CRYL1: variants seen among roughly 807,000 people sequenced by gnomAD.
CRYL1 encodes crystallin lambda 1.
CRYL1 carries 29 observed loss-of-function variants against 36.6 expected under a neutral mutation model. The observed-to-expected ratio is 0.79, with a 90% CI of 0.59 to 1.08. CRYL1 has a LOEUF of 1.08. Among genes scored for constraint, CRYL1 ranks in the 50% least tolerant of loss-of-function variants. The probability of loss-of-function intolerance (pLI) is 0.00; values close to 1 mark genes in which losing one functional copy is unlikely to be tolerated. For missense variants in CRYL1, 411 were observed against 407.9 expected (o/e 1.01, Z -0.06); for synonymous variants, 152 against 151.5 (o/e 1.00, Z -0.02).
intron 7 of CRYL1, 38 bp from the exon 8 acceptor site, chr13:20,404,280 G>A (rs1208606583): frequency 2.2e-6 from 3 of 1,344,950 alleles, no homozygotes; most frequent in African/African-American, 1.4e-5. Context: ...ACAATAAAGA[G>A]GAAATAATTT....
chr13:20,447,859 A>G (rs537054152), intron 3 of CRYL1, among the ~76,000 whole-genome samples: 32 of 152,348 alleles, frequency 2.1e-4, no homozygotes, highest in Middle Eastern at 3.4e-3. Context: ...ATGCTTGCCA[A>G]TTCACAGACA....
rs1177468290 is a variant in CRYL1 at position 20,525,798 on chromosome 13, T to C, written c.-4A>G. 6 of 1,260,014 alleles carry C rather than the reference T, an allele frequency of 4.8e-6. No individual in the cohort carries two copies. Among genetic ancestry groups the C allele is most frequent in the South Asian group, 2.9e-5 (1 of 34,678 alleles). 78.1% of individuals were successfully genotyped at this position (1,260,014 alleles called of 1,614,324 possible). On this transcript the variant is annotated 5_prime_UTR_variant, in exon 1 of 8. Transcript: ENST00000298248. This position sits in a 1 kb window ranked among gnomAD's most constrained non-coding sequence, Gnocchi z 4.3. ...AGCCGGCCGCGGAGGACGCCATGGT[T>C]GGGCCGGGGACGCGGCGCCGCGGGC... is the stretch of plus-strand genomic sequence containing the variant.
intron 3 of CRYL1, among the ~76,000 whole-genome samples, chr13:20,483,703 C>A (rs988877239): frequency 6.6e-6 from 1 of 152,058 alleles, no homozygotes; most frequent in African/African-American, 2.4e-5. Flanking sequence ...CCATGCCATG[C>A]TAATTTTTTG....
intron 5 of CRYL1, among the ~76,000 whole-genome samples, chr13:20,424,714 A>G (rs1024222786): frequency 6.6e-6 from 1 of 152,188 alleles, no homozygotes; most frequent in Non-Finnish European, 1.5e-5. Flanking sequence ...CCCCCTGCAG[A>G]GCCCGCACAG....
rs926186541 is a variant in CRYL1 at position 20,435,751 on chromosome 13, C to T, written c.439-3455G>A. ...GCACAAGGGACGCATTCTTCCCCGCCGCCCGGGCCCCATGTGACCGCGCCG... is the reference window on the plus strand; with the variant it reads ...GCACAAGGGACGCATTCTTCCCCGCTGCCCGGGCCCCATGTGACCGCGCCG... On this transcript the variant is annotated intron_variant, in intron 4 of 7. Coordinates refer to ENST00000298248, the MANE Select transcript of CRYL1 (RefSeq NM_015974.3). The surrounding 1 kb of genome is among the most constrained non-coding windows in gnomAD (Gnocchi z 4.0). Among the ~76,000 whole-genome samples, 2 of 152,310 alleles carry T rather than the reference C, an allele frequency of 1.3e-5. No homozygotes were observed. Among genetic ancestry groups the T allele is most frequent in the Admixed American group, 6.5e-5 (1 of 15,310 alleles).
At chr13:20,520,932 C>T (rs1362447903) in intron 1 of CRYL1, among the ~76,000 whole-genome samples, 1 of 151,880 alleles carries the variant, frequency 6.6e-6, no homozygotes, top group Non-Finnish European at 1.5e-5. Flanking sequence ...GGTGAAACCC[C>T]ATCTCTACTA....
intron 5 of CRYL1, among the ~76,000 whole-genome samples, chr13:20,424,031 A>G (rs1464259235): frequency 6.6e-6 from 1 of 151,912 alleles, no homozygotes; most frequent in African/African-American, 2.4e-5. Context: ...GGATTCCGAA[A>G]GTGCTGGGAT....
rs145015942 is a variant in CRYL1 at position 20,481,017 on chromosome 13, G to A, written c.276+8353C>T. Among the ~76,000 whole-genome samples the A allele has an allele frequency of 3.9e-3, 593 of 152,250 alleles. 8 individuals carry two copies. The highest frequency in any genetic ancestry group is 0.012 in the African/African-American group (485 of 41,540). ...AGCCAAGCAAATAAATAAAAATACA[G>A]CTTCACAGAAATAAGACCTCGTGCC... is the stretch of plus-strand genomic sequence containing the variant. On this transcript the variant is annotated intron_variant, in intron 3 of 7. Coordinates refer to ENST00000298248, the MANE Select transcript of CRYL1 (RefSeq NM_015974.3). This position sits in a 1 kb window ranked among gnomAD's most constrained non-coding sequence, Gnocchi z 4.1.
At chr13:20,424,271 G>C (rs750741815) in intron 5 of CRYL1, among the ~76,000 whole-genome samples, 6 of 152,176 alleles carry the variant, frequency 3.9e-5, no homozygotes, top group Non-Finnish European at 8.8e-5. Context: ...CCGCTCTAAC[G>C]ACCCTGCAGT....
intron 2 of CRYL1, among the ~76,000 whole-genome samples, chr13:20,500,916 C>CA (rs1274205962): frequency 5.3e-5 from 8 of 150,058 alleles, no homozygotes; most frequent in East Asian, 1.9e-4. Flanking sequence ...TCAGGCATCT[C>CA]AAAAAAAAAA....
intron 3 of CRYL1, among the ~76,000 whole-genome samples, chr13:20,486,914 T>C (rs9315621): frequency 0.32 from 48,931 of 151,774 alleles, 8,629 homozygotes; most frequent in African/African-American, 0.48. Context: ...ACTATGTAAG[T>C]GCTTTACATG....
chr13:20,510,484 TG>T (rs955819539), intron 2 of CRYL1, among the ~76,000 whole-genome samples: 1 of 152,066 alleles, frequency 6.6e-6, no homozygotes, highest in Non-Finnish European at 1.5e-5. Flanking sequence ...TGCCAGCGGT[TG>T]GGGGGAAGGG....
At chr13:20,516,761 T>C (rs1032744975) in intron 1 of CRYL1, among the ~76,000 whole-genome samples, 8 of 152,006 alleles carry the variant, frequency 5.3e-5, no homozygotes, top group African/African-American at 1.9e-4. Flanking sequence ...ATTACAGGCG[T>C]CAGCCACCAC....
In CRYL1 at chr13:20,521,020, C is replaced by T. The variant is rs1435463531; in HGVS notation, c.41+4734G>A. Among the ~76,000 whole-genome samples the T allele has an allele frequency of 2.7e-5, 4 of 146,698 alleles. No individual in the cohort carries two copies. In the East Asian group the frequency reaches 6.3e-4, roughly 23 times the overall value. On this transcript the variant is annotated intron_variant, in intron 1 of 7. Transcript: ENST00000298248. ...TCGGGAGGCTGAGGCAGGAGAATCCCGTGAACCCGGAGGCGGAGGTTGCAG... is the reference window on the plus strand; with the variant it reads ...TCGGGAGGCTGAGGCAGGAGAATCCTGTGAACCCGGAGGCGGAGGTTGCAG...
At chr13:20,502,205 A>C (rs906269335) in intron 2 of CRYL1, among the ~76,000 whole-genome samples, 1 of 152,130 alleles carries the variant, frequency 6.6e-6, no homozygotes, top group African/African-American at 2.4e-5. Context: ...GGATCTGCAA[A>C]CCTTGTAGTG....
chr13:20,441,844 T>G (rs2032357483), intron 3 of CRYL1, among the ~76,000 whole-genome samples: 1 of 152,216 alleles, frequency 6.6e-6, no homozygotes, highest in African/African-American at 2.4e-5. Context: ...CCATTTTGGA[T>G]TTGTTTATGC....
intron 3 of CRYL1, among the ~76,000 whole-genome samples, chr13:20,461,918 G>A (rs2032827128): frequency 1.3e-5 from 2 of 149,182 alleles, no homozygotes; most frequent in South Asian, 4.4e-4. Context: ...GGAGAGGGTG[G>A]GAGGAGGACA....
chr13:20,487,952 A>T (rs1593480265), intron 3 of CRYL1, among the ~76,000 whole-genome samples: 1 of 152,120 alleles, frequency 6.6e-6, no homozygotes, highest in African/African-American at 2.4e-5. Context: ...AACTGCAAAA[A>T]TTAGCTGGGT....
chr13:20,448,894 G>A (rs566667615), intron 3 of CRYL1, among the ~76,000 whole-genome samples: 13 of 152,200 alleles, frequency 8.5e-5, no homozygotes, highest in Non-Finnish European at 1.3e-4. Flanking sequence ...TACACTGGGC[G>A]TGGTGGCTCA....
Sources: gnomAD v4.1 joint callset for allele counts (sites outside exome capture counted in the v4.1 genomes callset) on GRCh38, gnomAD v4.1.1 for gene constraint, Gnocchi (gnomAD v3.1) non-coding constraint, MANE v1.5 for transcripts, NCBI Gene and HGNC (gene_info 2026-07-23, HGNC 2026-07-21) for gene names.